C19orf38: variants seen among roughly 807,000 people sequenced by gnomAD.
C19orf38 encodes protein HIDE1.
C19orf38 carries 14 observed loss-of-function variants against 26.6 expected under a neutral mutation model. That is an observed-to-expected ratio of 0.53 (90% confidence interval 0.35 to 0.82). The LOEUF is 0.82. Ranked by LOEUF, C19orf38 falls within the 40% of genes least tolerant of loss-of-function variation. C19orf38 has a pLI of 0.01. For missense variants in C19orf38, 261 were observed against 299.5 expected (o/e 0.87, Z 0.95); for synonymous variants, 132 against 128.5 (o/e 1.03, Z -0.18).
chr19:10,845,827 C>T (rs932505284), upstream of C19orf38, among the ~76,000 whole-genome samples: 38 of 147,540 alleles, frequency 2.6e-4, no homozygotes, highest in Admixed American at 1.7e-3. Flanking sequence ...TGCAGTGAGC[C>T]GAGATCACGC....
At chr19:10,861,037 G>A (rs947297757) in intron 5 of C19orf38, among the ~76,000 whole-genome samples, 5 of 151,880 alleles carry the variant, frequency 3.3e-5, no homozygotes, top group Admixed American at 3.3e-4. Context: ...CAGCTACTTG[G>A]GAGGCTGAGA....
At chr19:10,837,702 T>C (rs2073446813) in intron 1 of C19orf38, among the ~76,000 whole-genome samples, 1 of 151,518 alleles carries the variant, frequency 6.6e-6, no homozygotes, top group South Asian at 2.1e-4. Context: ...AGAGAGGGGG[T>C]TTCACCATGT....
intron 5 of C19orf38, among the ~76,000 whole-genome samples, chr19:10,862,878 G>GGGA (rs2073715326): frequency 6.6e-6 from 1 of 151,996 alleles, no homozygotes; most frequent in Non-Finnish European, 1.5e-5. Flanking sequence ...GGAGAGCCTG[G>GGGA]GGAGGAGGAG....
intron 5 of C19orf38, among the ~76,000 whole-genome samples, chr19:10,862,212 T>G (rs1044406101): frequency 4.0e-5 from 6 of 148,330 alleles, no homozygotes; most frequent in Non-Finnish European, 7.5e-5. Flanking sequence ...TTTTTTTTTT[T>G]TTTTTTTTTT....
upstream of C19orf38, among the ~76,000 whole-genome samples, chr19:10,847,036 A>G (rs972477882): frequency 7.9e-5 from 12 of 152,188 alleles, no homozygotes; most frequent in Non-Finnish European, 1.2e-4. Flanking sequence ...CTAATGACGC[A>G]TTTTGGTGTT....
intron 6 of C19orf38, among the ~76,000 whole-genome samples, chr19:10,865,706 G>C (rs1451375611): frequency 6.6e-6 from 1 of 152,172 alleles, no homozygotes; most frequent in Admixed American, 6.5e-5. Flanking sequence ...ACTAAGCCAT[G>C]CCTCTTCATC....
chr19:10,851,445 A>G (rs976555095), intron 2 of C19orf38, among the ~76,000 whole-genome samples: 1 of 151,012 alleles, frequency 6.6e-6, no homozygotes, highest in African/African-American at 2.4e-5. Context: ...TCCTCAAGTG[A>G]TCCTCCCACC....
At chr19:10,859,834 G>C in intron 4 of C19orf38, 81 bp from the exon 5 acceptor site, 1 of 1,344,042 alleles carries the variant, frequency 7.4e-7, no homozygotes, top group Non-Finnish European at 1.0e-6. Context: ...GTGTGGTTTG[G>C]GGCCAGGGCT....
At chr19:10,843,750 G>A (rs990755490), upstream of C19orf38, among the ~76,000 whole-genome samples, 3 of 152,154 alleles carry the variant, frequency 2.0e-5, no homozygotes, top group Non-Finnish European at 4.4e-5. Flanking sequence ...CAAGCATGGT[G>A]GGAGACACGG....
In C19orf38 at chr19:10,861,938, G is replaced by A. The variant is rs1212929870; in HGVS notation, c.506-1232G>A. Among the ~76,000 whole-genome samples the A allele has an allele frequency of 5.3e-5, 8 of 151,756 alleles. No individual in the cohort carries two copies. The South Asian group carries it at 8.3e-4, about 16-fold the overall frequency. ...TTTTGAGGCGGAGTCTCACTCTGTC[G>A]CCCAGGCTGGAGTGCGGTGACGCGA... is the stretch of plus-strand genomic sequence containing the variant. On this transcript the variant is annotated intron_variant, in intron 5 of 6. Transcript: ENST00000397820.
Position 10,842,396 on chromosome 19 carries a change from G to A in C19orf38, c.-69+5626G>A. The stretch of plus-strand genomic sequence containing the variant: ...CTGCCTCAGCCTCCCGAGTAGCTGG[G>A]ACTACAGGTGCCCGCCACCATGCCT... On this transcript the variant is annotated intron_variant, in intron 1 of 7. Transcript: ENST00000592854. 7.7e-6 allele frequency: 4 copies of A among 518,956 alleles called. No homozygotes were observed. The South Asian group carries it at 8.4e-5, about 11-fold the overall frequency. 32.1% of individuals were successfully genotyped at this position (518,956 alleles called of 1,614,324 possible). A position where few individuals can be genotyped will look rare whatever the true frequency, so the allele number is the denominator to read the frequency against.
intron 6 of C19orf38, among the ~76,000 whole-genome samples, chr19:10,868,181 A>G (rs1286893257): frequency 6.6e-6 from 1 of 152,240 alleles, no homozygotes; most frequent in East Asian, 1.9e-4. Context: ...GTAAGGCAGC[A>G]GCTGACCTGT....
intron 1 of C19orf38, 144 bp downstream of exon 1, chr19:10,848,683 C>T: frequency 1.4e-6 from 1 of 696,078 alleles, no homozygotes. Flanking sequence ...ATGGGTTTTC[C>T]CCCTGAGCCT....
At chr19:10,850,597 G>C in intron 2 of C19orf38, 30 bp downstream of exon 2, 4 of 1,548,182 alleles carry the variant, frequency 2.6e-6, no homozygotes, top group Non-Finnish European at 3.5e-6. Flanking sequence ...TCTCACTGCC[G>C]GGGGCTTAAT....
chr19:10,860,243 C>G, intron 5 of C19orf38: 1 of 372,146 alleles, frequency 2.7e-6, no homozygotes, highest in South Asian at 4.1e-5. Flanking sequence ...GGTAGAAATA[C>G]AATTAGGCGG....
intron 5 of C19orf38, 89 bp from the exon 6 acceptor site, chr19:10,863,081 G>A (rs759614707): frequency 1.7e-5 from 24 of 1,384,828 alleles, no homozygotes; most frequent in Non-Finnish European, 2.3e-5. Flanking sequence ...TTGCTTCCCT[G>A]TGGGCTGGGG....
At chr19:10,840,431 C>T (rs1477393687) in intron 1 of C19orf38, among the ~76,000 whole-genome samples, 2 of 152,254 alleles carry the variant, frequency 1.3e-5, no homozygotes, top group East Asian at 3.8e-4. Context: ...CCTCAGCCTC[C>T]CAAGTAGCTG....
rs1357181566 is a variant in C19orf38 at position 10,860,873 on chromosome 19, G to C, written c.505+915G>C. 2.0e-5 allele frequency among the ~76,000 whole-genome samples: 3 copies of C among 147,100 alleles called. No individual in the cohort carries two copies. The Admixed American group carries it at 2.1e-4, about 10-fold the overall frequency. Reference sequence around the variant, plus strand: ...AAAAAAAAAAGAAAGGGCCAGGCACGGTGGCTCACGCCTGTAATCCCAGCA... The same window carrying C: ...AAAAAAAAAAGAAAGGGCCAGGCACCGTGGCTCACGCCTGTAATCCCAGCA... On this transcript the variant is annotated intron_variant, in intron 5 of 6. Coordinates refer to ENST00000397820, the MANE Select transcript of C19orf38 (RefSeq NM_001136482.3).
intron 2 of C19orf38, among the ~76,000 whole-genome samples, chr19:10,851,598 C>G (rs1370822411): frequency 1.3e-5 from 2 of 152,102 alleles, no homozygotes; most frequent in African/African-American, 4.8e-5. Flanking sequence ...CTTTGGGAAG[C>G]TGAGGTAGGT....
Sources: allele counts gnomAD v4.1 joint callset (sites outside exome capture counted in the v4.1 genomes callset), GRCh38; gene constraint gnomAD v4.1.1; transcripts MANE v1.5; gene names NCBI Gene and HGNC (gene_info 2026-07-23, HGNC 2026-07-21).